Variants in HNF4G observed in about 807,000 individuals in gnomAD.
HNF4G encodes hepatocyte nuclear factor 4 gamma.
A neutral mutation model predicts 50.9 loss-of-function variants in HNF4G; 21 were observed. The observed-to-expected ratio is 0.41, with a 90% confidence interval of 0.29 to 0.59. The LOEUF (loss-of-function observed/expected upper bound fraction) is 0.59. Among genes scored for constraint, HNF4G ranks in the 20% least tolerant of loss-of-function variants. The probability of loss-of-function intolerance (pLI) is 0.26; values close to 1 mark genes in which losing one functional copy is unlikely to be tolerated. For synonymous variants in HNF4G, 198 were observed against 185.6 expected (o/e 1.07, Z -0.54); for missense variants, 527 against 559.4 (o/e 0.94, Z 0.58).
chr8:75,423,335 C>CTTTTTTTTTTT (rs34511777), intron 1 of HNF4G, among the ~76,000 whole-genome samples: 89 of 94,600 alleles, frequency 9.4e-4, no homozygotes, highest in Middle Eastern at 8.6e-3. Flanking sequence ...TTTTCTTTAT[C>CTTTTTTTTTTT]TTTTTTTTTT....
chr8:75,438,752 TCA>T, intron 1 of HNF4G, among the ~76,000 whole-genome samples: 1 of 152,166 alleles, frequency 6.6e-6, no homozygotes, highest in East Asian at 1.9e-4. Context: ...ACAACAGGAC[TCA>T]CACTCTCGTT....
chr8:75,436,567 T>C (rs1382805527), intron 1 of HNF4G, among the ~76,000 whole-genome samples: 2 of 151,996 alleles, frequency 1.3e-5, no homozygotes, highest in African/African-American at 4.8e-5. Context: ...GGAAAACTGG[T>C]AGTTAATATA....
chr8:75,480,836 G>C (rs1812360462), intron 1 of HNF4G, among the ~76,000 whole-genome samples: 1 of 150,140 alleles, frequency 6.7e-6, no homozygotes, highest in African/African-American at 2.4e-5. Context: ...TCAGCCTCCC[G>C]AGTAACCGGG....
chr8:75,494,990 T>C (rs1357907825), intron 2 of HNF4G, among the ~76,000 whole-genome samples: 1 of 152,150 alleles, frequency 6.6e-6, no homozygotes, highest in Non-Finnish European at 1.5e-5. Flanking sequence ...AATTAGTAAG[T>C]GTAAGTGATG....
intron 2 of HNF4G, among the ~76,000 whole-genome samples, chr8:75,505,620 G>T (rs192632388): frequency 1.3e-5 from 2 of 150,498 alleles, no homozygotes; most frequent in Admixed American, 1.3e-4. Context: ...CTGCCTTGTC[G>T]TTTACAAACA....
intron 2 of HNF4G, among the ~76,000 whole-genome samples, chr8:75,521,857 T>C (rs1211559363): frequency 6.6e-6 from 1 of 152,180 alleles, no homozygotes; most frequent in African/African-American, 2.4e-5. Flanking sequence ...TCTTACACTT[T>C]TGTATGTCTC....
intron 2 of HNF4G, among the ~76,000 whole-genome samples, chr8:75,523,173 C>T (rs549303564): frequency 3.2e-4 from 48 of 151,734 alleles, no homozygotes; most frequent in Admixed American, 1.4e-3. Context: ...TGCAGTGAGC[C>T]GAGATCGCGC....
At chr8:75,545,188 G>A (rs1467787498) in intron 2 of HNF4G, among the ~76,000 whole-genome samples, 1 of 151,548 alleles carries the variant, frequency 6.6e-6, no homozygotes, top group East Asian at 1.9e-4. Context: ...AACAAATACA[G>A]AATAACCTGT....
chr8:75,560,312 T>C (rs751786928), intron 8 of HNF4G, 32 bp from the exon 9 acceptor site: 2 of 1,607,402 alleles, frequency 1.2e-6, no homozygotes, highest in Non-Finnish European at 1.7e-6. Context: ...TGATTAAATA[T>C]CACTAACACA....
intron 2 of HNF4G, among the ~76,000 whole-genome samples, chr8:75,514,354 C>CTTTTTTT (rs36078375): frequency 6.4e-5 from 8 of 125,026 alleles, no homozygotes; most frequent in African/African-American, 9.2e-5. Context: ...TTTCTTCTTT[C>CTTTTTTT]TTTTTTTTTT....
intron 1 of HNF4G, among the ~76,000 whole-genome samples, chr8:75,435,603 G>A (rs1305289427): frequency 6.6e-6 from 1 of 152,098 alleles, no homozygotes; most frequent in Non-Finnish European, 1.5e-5. Flanking sequence ...AATTTTTGTT[G>A]TTGTTGTTTT....
At chr8:75,469,113 T>A (rs983576392) in intron 1 of HNF4G, among the ~76,000 whole-genome samples, 2 of 152,216 alleles carry the variant, frequency 1.3e-5, no homozygotes, top group Non-Finnish European at 2.9e-5. Flanking sequence ...TGGCTTCAGG[T>A]CTGAGGTGCA....
At chr8:75,510,482 C>G (rs1805720438) in intron 2 of HNF4G, among the ~76,000 whole-genome samples, 1 of 152,188 alleles carries the variant, frequency 6.6e-6, no homozygotes, top group African/African-American at 2.4e-5. Context: ...GAGCAACTTC[C>G]ACTGTTGCCA....
chr8:75,411,092 A>C (rs1810489703), intron 1 of HNF4G, among the ~76,000 whole-genome samples: 1 of 152,240 alleles, frequency 6.6e-6, no homozygotes, highest in Non-Finnish European at 1.5e-5. Context: ...CCAGAGAGAA[A>C]TGAAATAACT....
intron 1 of HNF4G, among the ~76,000 whole-genome samples, chr8:75,480,685 C>T (rs1472814169): frequency 6.6e-6 from 1 of 150,568 alleles, no homozygotes; most frequent in Non-Finnish European, 1.5e-5. Context: ...CAAGTAACTT[C>T]GTTTCTCTGG....
chr8:75,487,806 G>T (rs1006700086), intron 1 of HNF4G, among the ~76,000 whole-genome samples: 4 of 152,116 alleles, frequency 2.6e-5, no homozygotes, highest in African/African-American at 9.7e-5. Flanking sequence ...CCTGAAACTG[G>T]GTAATTTATA....
chr8:75,458,326 C>A, intron 1 of HNF4G, among the ~76,000 whole-genome samples: 1 of 147,588 alleles, frequency 6.8e-6, no homozygotes, highest in African/African-American at 2.5e-5. Flanking sequence ...GGAAAAAAAT[C>A]AGCAGAAAGA....
At chr8:75,485,464 A>G (rs892912145) in intron 1 of HNF4G, among the ~76,000 whole-genome samples, 8 of 152,182 alleles carry the variant, frequency 5.3e-5, no homozygotes, top group African/African-American at 1.9e-4. Flanking sequence ...ATTCTATGTA[A>G]AAAACTGCAG....
chr8:75,420,124 G>C (rs1464958844), intron 1 of HNF4G, among the ~76,000 whole-genome samples: 1 of 151,124 alleles, frequency 6.6e-6, no homozygotes, highest in East Asian at 1.9e-4. Context: ...CTTAATTTCT[G>C]TCTTCTCCTT....
Sources: allele counts gnomAD v4.1 joint callset (sites outside exome capture counted in the v4.1 genomes callset), GRCh38; gene constraint gnomAD v4.1.1; transcripts MANE v1.5; gene names NCBI Gene and HGNC (gene_info 2026-07-23, HGNC 2026-07-21).